MDGA2: variants seen among roughly 807,000 people sequenced by gnomAD.
The protein encoded by MDGA2 is MAM domain containing glycosylphosphatidylinositol anchor 2.
Under a neutral mutation model 117.8 loss-of-function variants are expected in MDGA2, and 40 were observed. That is an observed-to-expected ratio of 0.34 (90% CI 0.26 to 0.44). MDGA2 has a LOEUF of 0.44. MDGA2 is among the 20% of genes least tolerant of loss of function. The pLI, the probability that MDGA2 is intolerant of heterozygous loss-of-function variation, is 1.00. For synonymous variants in MDGA2, 452 were observed against 439.0 expected (o/e 1.03, Z -0.37); for missense variants, 1,123 against 1,250.6 (o/e 0.90, Z 1.54).
At chr14:47,072,869 A>G (rs1890345018) in intron 6 of MDGA2, among the ~76,000 whole-genome samples, 1 of 152,196 alleles carries the variant, frequency 6.6e-6, no homozygotes, top group South Asian at 2.1e-4. Context: ...GTGCCATAGC[A>G]TATCTTTTTA....
intron 1 of MDGA2, among the ~76,000 whole-genome samples, chr14:47,408,992 G>T (rs183921209): frequency 1.5e-4 from 23 of 152,298 alleles, no homozygotes; most frequent in Admixed American, 1.4e-3. Context: ...AGGCAGACAG[G>T]CATCTCTGAA....
intron 7 of MDGA2, among the ~76,000 whole-genome samples, chr14:47,052,235 G>C (rs1413365472): frequency 6.6e-6 from 1 of 151,608 alleles, no homozygotes; most frequent in Non-Finnish European, 1.5e-5. Flanking sequence ...AAAGAAAGAA[G>C]GGCACAGGAA....
chr14:47,435,764 C>T (rs575688876), intron 1 of MDGA2, among the ~76,000 whole-genome samples: 1 of 152,194 alleles, frequency 6.6e-6, no homozygotes, highest in Admixed American at 6.5e-5. Flanking sequence ...GCCAACAATA[C>T]TGTGATGGAT....
chr14:47,058,473 A>C (rs532391293), intron 7 of MDGA2: 71 of 958,820 alleles, frequency 7.4e-5, no homozygotes, highest in Admixed American at 1.8e-4. Flanking sequence ...CATTTGTGTG[A>C]ATTTCCTCAG....
At chr14:47,185,683 T>TA (rs1271642189) in intron 3 of MDGA2, among the ~76,000 whole-genome samples, 1 of 151,564 alleles carries the variant, frequency 6.6e-6, no homozygotes, top group Non-Finnish European at 1.5e-5. Context: ...ATCTTAACCA[T>TA]AAAACTGGTT....
intron 1 of MDGA2, among the ~76,000 whole-genome samples, chr14:47,602,823 G>C (rs1386286311): frequency 1.3e-5 from 2 of 152,132 alleles, no homozygotes. Flanking sequence ...GTACTATATA[G>C]AGAAATGGCT....
At chr14:46,907,854 A>G (rs1883557047) in intron 10 of MDGA2, among the ~76,000 whole-genome samples, 1 of 152,194 alleles carries the variant, frequency 6.6e-6, no homozygotes, top group African/African-American at 2.4e-5. Flanking sequence ...TTCCTAAATA[A>G]AAAGGAAAGT....
At chr14:47,402,980 A>G (rs570637965) in intron 1 of MDGA2, among the ~76,000 whole-genome samples, 261 of 151,988 alleles carry the variant, frequency 1.7e-3, no homozygotes, top group Non-Finnish European at 3.2e-3. Flanking sequence ...TCAGTATATA[A>G]TCTCTCCCTC....
intron 2 of MDGA2, among the ~76,000 whole-genome samples, chr14:47,241,864 A>T (rs1887053302): frequency 6.6e-6 from 1 of 151,932 alleles, no homozygotes; most frequent in South Asian, 2.1e-4. Flanking sequence ...AGCTAAATTG[A>T]AATCCCTTCT....
At chr14:46,926,625 C>A (rs1177049173) in intron 9 of MDGA2, among the ~76,000 whole-genome samples, 1 of 151,942 alleles carries the variant, frequency 6.6e-6, no homozygotes, top group Non-Finnish European at 1.5e-5. Context: ...CAAAACAGAA[C>A]ATGCAATTAT....
chr14:47,540,822 C>T (rs1003889105), intron 1 of MDGA2, among the ~76,000 whole-genome samples: 17 of 151,942 alleles, frequency 1.1e-4, no homozygotes, highest in Non-Finnish European at 2.5e-4. Flanking sequence ...AGCTTGACCT[C>T]CCAAAGTGCA....
chr14:47,087,340 C>A (rs1890938799), intron 6 of MDGA2, among the ~76,000 whole-genome samples: 1 of 151,270 alleles, frequency 6.6e-6, no homozygotes, highest in Non-Finnish European at 1.5e-5. Context: ...CATGGTGAAA[C>A]CCCACCTCTA....
Position 46,877,511 on chromosome 14 carries a change from T to C in MDGA2, c.2417-2A>G. The C allele has an allele frequency of 6.6e-7, 1 of 1,517,700 alleles. No individual in the cohort carries two copies. Among genetic ancestry groups the C allele is most frequent in the African/African-American group, 1.4e-5 (1 of 72,962 alleles). The allele number at this position is 1,517,700 out of a possible 1,614,324, so 94.0% of individuals were successfully genotyped here. On this transcript the variant is annotated splice_acceptor_variant, in intron 11 of 16. Transcript: ENST00000399232. LOFTEE classifies it high-confidence loss of function. ...TACTCAAATGAGGATTTACAGGAGCTACAAGAAAAGCAAAAGAAACAAACA... is the reference window on the plus strand; with the variant it reads ...TACTCAAATGAGGATTTACAGGAGCCACAAGAAAAGCAAAAGAAACAAACA...
intron 1 of MDGA2, among the ~76,000 whole-genome samples, chr14:47,365,102 G>A (rs1891204146): frequency 1.3e-5 from 2 of 152,176 alleles, no homozygotes; most frequent in Admixed American, 1.3e-4. Context: ...TGGGATTGGG[G>A]AACTAAACAG....
chr14:47,220,726 T>C (rs1886267782), intron 2 of MDGA2, among the ~76,000 whole-genome samples: 1 of 152,212 alleles, frequency 6.6e-6, no homozygotes, highest in African/African-American at 2.4e-5. Flanking sequence ...TCTAATTGAT[T>C]TTCCTGGAGT....
chr14:46,985,858 C>A (rs555485404), intron 8 of MDGA2, among the ~76,000 whole-genome samples: 1 of 152,200 alleles, frequency 6.6e-6, no homozygotes, highest in Admixed American at 6.6e-5. Flanking sequence ...TTCAACTTTT[C>A]TTCCTGCATT....
intron 2 of MDGA2, among the ~76,000 whole-genome samples, chr14:47,252,719 C>T (rs1289376936): frequency 6.6e-6 from 1 of 152,078 alleles, no homozygotes; most frequent in Non-Finnish European, 1.5e-5. Flanking sequence ...TGTTAGAATA[C>T]AGCAAGAACT....
intron 8 of MDGA2, among the ~76,000 whole-genome samples, chr14:46,977,102 T>A (rs931487029): frequency 4.6e-5 from 7 of 151,940 alleles, no homozygotes; most frequent in African/African-American, 1.7e-4. Context: ...TATTTACAGT[T>A]ATGCTTCATA....
chr14:47,539,049 T>C (rs1294924338), intron 1 of MDGA2, among the ~76,000 whole-genome samples: 1 of 152,132 alleles, frequency 6.6e-6, no homozygotes, highest in Non-Finnish European at 1.5e-5. Context: ...TTGATCCACA[T>C]TTGTCTAGCC....
Sources: gnomAD v4.1 joint callset for allele counts (sites outside exome capture counted in the v4.1 genomes callset) on GRCh38, gnomAD v4.1.1 for gene constraint, MANE v1.5 for transcripts, NCBI Gene and HGNC (gene_info 2026-07-23, HGNC 2026-07-21) for gene names.